The following ITFG1 variants were observed in gnomAD, a reference collection of about 807,000 sequenced individuals.
The protein encoded by ITFG1 is integrin alpha FG-GAP repeat containing 1.
ITFG1 carries 34 observed loss-of-function variants against 81.8 expected under a neutral mutation model. That is an observed-to-expected ratio of 0.42 (90% CI 0.32 to 0.55). ITFG1 has a LOEUF of 0.55. Among genes scored for constraint, ITFG1 ranks in the 20% least tolerant of loss-of-function variants. ITFG1 has a pLI of 0.17. For missense variants in ITFG1, 672 were observed against 755.4 expected (o/e 0.89, Z 1.29); for synonymous variants, 285 against 270.6 (o/e 1.05, Z -0.52).
At chr16:47,314,956 GA>G (rs902814393) in intron 8 of ITFG1, among the ~76,000 whole-genome samples, 3 of 149,376 alleles carry the variant, frequency 2.0e-5, no homozygotes, top group Non-Finnish European at 3.0e-5. Flanking sequence ...TATTCAAAAG[GA>G]AAAAAAAAGA....
intron 7 of ITFG1, 110 bp from the exon 8 acceptor site, chr16:47,365,979 T>C (rs1968172828): frequency 8.2e-6 from 5 of 607,876 alleles, no homozygotes; most frequent in Non-Finnish European, 1.2e-5. Flanking sequence ...CAGTATTTTG[T>C]TGTATTGCAC....
chr16:47,288,719 T>C (rs948889107), intron 10 of ITFG1, among the ~76,000 whole-genome samples: 1 of 152,072 alleles, frequency 6.6e-6, no homozygotes, highest in African/African-American at 2.4e-5. Flanking sequence ...GTTAACATGG[T>C]GAAACCCCGT....
At chr16:47,445,125 A>T (rs1176350406) in intron 5 of ITFG1, among the ~76,000 whole-genome samples, 2 of 151,226 alleles carry the variant, frequency 1.3e-5, no homozygotes, top group Non-Finnish European at 3.0e-5. Flanking sequence ...AAAAAAAAAA[A>T]AAGAAAAACT....
intron 14 of ITFG1, among the ~76,000 whole-genome samples, chr16:47,164,577 C>T (rs779583665): frequency 6.6e-6 from 1 of 152,212 alleles, no homozygotes. Flanking sequence ...CTTTTCAAAG[C>T]TGCGTATGTT....
intron 14 of ITFG1, among the ~76,000 whole-genome samples, chr16:47,186,584 C>T (rs1315798964): frequency 2.6e-5 from 4 of 152,216 alleles, no homozygotes; most frequent in Non-Finnish European, 4.4e-5. Context: ...AAACTCTCAA[C>T]AAATTAGGTA....
At chr16:47,390,921 A>G (rs1417044098) in intron 6 of ITFG1, among the ~76,000 whole-genome samples, 3 of 152,124 alleles carry the variant, frequency 2.0e-5, no homozygotes, top group Admixed American at 2.0e-4. Flanking sequence ...GAGTGATTAG[A>G]CAACTATTTC....
At chr16:47,183,999 T>C (rs1459182636) in intron 14 of ITFG1, among the ~76,000 whole-genome samples, 2 of 152,050 alleles carry the variant, frequency 1.3e-5, no homozygotes, top group African/African-American at 4.8e-5. Context: ...TGCAGAAGCC[T>C]CAGGAGCCGA....
chr16:47,300,116 C>T (rs1967052988), intron 10 of ITFG1, among the ~76,000 whole-genome samples: 1 of 152,140 alleles, frequency 6.6e-6, no homozygotes, highest in Non-Finnish European at 1.5e-5. Flanking sequence ...TGTATGATTC[C>T]CCAGTGGGAA....
intron 12 of ITFG1, among the ~76,000 whole-genome samples, chr16:47,253,996 C>A (rs1966110979): frequency 6.6e-6 from 1 of 152,064 alleles, no homozygotes; most frequent in African/African-American, 2.4e-5. Flanking sequence ...AAAGGGCCTA[C>A]TATACACCAG....
chr16:47,275,569 A>G (rs1036230099), intron 10 of ITFG1, among the ~76,000 whole-genome samples: 4 of 152,090 alleles, frequency 2.6e-5, no homozygotes, highest in Non-Finnish European at 4.4e-5. Context: ...ATCAATATAT[A>G]ATCTGTTTTT....
rs552577379 is a variant in ITFG1, at chr16:47,155,673, A to G, written c.*46T>C. On this transcript the variant is annotated 3_prime_UTR_variant, in exon 18 of 18. Coordinates refer to ENST00000320640, the MANE Select transcript of ITFG1 (RefSeq NM_030790.5). ...TTTTCAAGCCAGAATTTGTGTTTCA[A>G]CTAATCAAGTGAACAGCCATTCCAT... 3.8e-5 allele frequency: 49 copies of G among 1,305,760 alleles called. No homozygotes were observed. The South Asian group carries it at 4.7e-4, about 13-fold the overall frequency. 80.9% of individuals were successfully genotyped at this position (1,305,760 alleles called of 1,614,324 possible).
chr16:47,157,749 T>C (rs1482301217), intron 17 of ITFG1: 4 of 152,242 alleles, frequency 2.6e-5, no homozygotes, highest in Admixed American at 1.3e-4. Context: ...ACAACTAATA[T>C]GTTCTTTTTC....
intron 5 of ITFG1, among the ~76,000 whole-genome samples, chr16:47,450,930 A>G (rs1374032492): frequency 6.6e-6 from 1 of 152,240 alleles, no homozygotes; most frequent in East Asian, 1.9e-4. Flanking sequence ...GTGAAGGACA[A>G]TGTATTCACT....
chr16:47,304,143 C>T (rs1365486625), intron 10 of ITFG1, among the ~76,000 whole-genome samples: 2 of 152,096 alleles, frequency 1.3e-5, no homozygotes, highest in African/African-American at 2.4e-5. Flanking sequence ...CAGTTCTTTC[C>T]GTATCAATAA....
At chr16:47,359,478 T>C (rs966587886) in intron 8 of ITFG1, among the ~76,000 whole-genome samples, 2 of 152,216 alleles carry the variant, frequency 1.3e-5, no homozygotes, top group Admixed American at 6.5e-5. Flanking sequence ...TCCATCAGCA[T>C]TTCTTGTCAA....
intron 14 of ITFG1, among the ~76,000 whole-genome samples, chr16:47,171,174 A>G (rs555419458): frequency 2.2e-4 from 34 of 151,648 alleles, no homozygotes; most frequent in African/African-American, 6.8e-4. Context: ...GCCACCACAC[A>G]TGGCTAATTT....
chr16:47,326,337 G>A (rs1011327777), intron 8 of ITFG1, among the ~76,000 whole-genome samples: 3 of 152,106 alleles, frequency 2.0e-5, no homozygotes, highest in Non-Finnish European at 1.5e-5. Flanking sequence ...AATAATAAGA[G>A]CTATCTATGA....
chr16:47,250,655 A>G (rs998381671), intron 12 of ITFG1, among the ~76,000 whole-genome samples: 14 of 152,228 alleles, frequency 9.2e-5, no homozygotes, highest in Admixed American at 6.5e-4. Context: ...CAAAAACAAA[A>G]CATATTATTT....
intron 10 of ITFG1, among the ~76,000 whole-genome samples, chr16:47,306,725 C>A (rs1180295253): frequency 6.6e-6 from 1 of 151,550 alleles, no homozygotes; most frequent in African/African-American, 2.4e-5. Flanking sequence ...AGAAGAAATT[C>A]ATCTTACTGA....
Sources: allele counts gnomAD v4.1 joint callset (sites outside exome capture counted in the v4.1 genomes callset), GRCh38; gene constraint gnomAD v4.1.1; transcripts MANE v1.5; gene names NCBI Gene and HGNC (gene_info 2026-07-23, HGNC 2026-07-21).